The following NEU2 variants were observed in gnomAD, a reference collection of about 807,000 sequenced individuals.
The protein encoded by NEU2 is neuraminidase 2, also known as sialidase-2.
NEU2 carries 7 observed loss-of-function variants against 6.3 expected under a neutral mutation model. The observed-to-expected ratio is 1.12, with a 90% CI of 0.63 to 2.10. The LOEUF (loss-of-function observed/expected upper bound fraction) is 2.10, where lower values mean the gene tolerates loss of function less well. Among genes scored for constraint, NEU2 ranks in the 30% most tolerant of loss-of-function variants. NEU2 has a pLI of 0.00. For missense variants in NEU2, 509 were observed against 504.0 expected (o/e 1.01, Z -0.09); for synonymous variants, 208 against 223.3 (o/e 0.93, Z 0.61).
chr2:233,034,004 T>C lies in NEU2; in HGVS notation c.202-112T>C, dbSNP rs1023428443. On this transcript the variant is annotated intron_variant, in intron 1 of 1. Coordinates refer to ENST00000233840, the MANE Select transcript of NEU2 (RefSeq NM_005383.2). The surrounding 1 kb of genome is among the most constrained non-coding windows in gnomAD (Gnocchi z 4.8). ...GGGTGAAGAGTTCTTCTCGATGACT[T>C]TTGACTCTAACCCGGGAGACACACC... 4.3e-6 allele frequency: 4 copies of C among 925,226 alleles called. No homozygotes were observed. The highest frequency in any genetic ancestry group is 6.6e-6 in the Non-Finnish European group (4 of 608,424). The allele number at this position is 925,226 out of a possible 1,614,324, so 57.3% of individuals were successfully genotyped here. A position where few individuals can be genotyped will look rare whatever the true frequency, so the allele number is the denominator to read the frequency against.
In NEU2 at chr2:233,034,009, C is replaced by G; in HGVS notation, c.202-107C>G. The G allele has an allele frequency of 4.1e-6, 4 of 969,012 alleles. No individual in the cohort carries two copies. In the South Asian group the frequency reaches 4.7e-5, roughly 11 times the overall value. The allele number at this position is 969,012 out of a possible 1,614,324, so 60.0% of individuals were successfully genotyped here. ...AAGAGTTCTTCTCGATGACTTTTGA[C>G]TCTAACCCGGGAGACACACCCGTGC... On this transcript the variant is annotated intron_variant, in intron 1 of 1. Coordinates refer to ENST00000233840, the MANE Select transcript of NEU2 (RefSeq NM_005383.2). This position sits in a 1 kb window ranked among gnomAD's most constrained non-coding sequence, Gnocchi z 4.8.
At position 233,034,610 on chromosome 2, in the gene NEU2, G is replaced by A. The variant is rs763826910; in HGVS notation, c.696G>A (p.Val232=). The change falls in exon 2 of 2, where the codon GTG becomes GTA. Residue 232 remains valine, a synonymous_variant. Transcript: ENST00000233840. This position sits in a 1 kb window ranked among gnomAD's most constrained non-coding sequence, Gnocchi z 4.8. ...AEVETGEQRV[V]TLNARSHLRA... is the part of the protein sequence containing the mutation. The stretch of plus-strand genomic sequence containing the variant: ...TCGAGACTGGGGAGCAGAGGGTGGT[G>A]ACCCTCAACGCGAGAAGCCACCTCC... 4 of 1,611,918 alleles carry A rather than the reference G, an allele frequency of 2.5e-6. No individual in the cohort carries two copies. The highest frequency in any genetic ancestry group is 1.7e-4 in the Middle Eastern group (1 of 6,054).
chr2:233,034,367 C>T lies in NEU2; in HGVS notation c.453C>T (p.Tyr151=), dbSNP rs141029510. 4.6e-3 allele frequency: 7,485 copies of T among 1,614,028 alleles called. 24 individuals carry two copies. The highest frequency in any genetic ancestry group is 5.8e-3 in the Non-Finnish European group (6,788 of 1,179,980). ...CTGATGCGGCCATCGGCCCAGCCTA[C>T]CGGGAGTGGTCCACCTTTGCAGTGG... ...DLTDAAIGPA[Y]REWSTFAVGP... The change falls in exon 2 of 2, where the codon TAC becomes TAT. Residue 151 remains tyrosine, a synonymous_variant. Coordinates refer to ENST00000233840, the MANE Select transcript of NEU2 (RefSeq NM_005383.2). This position sits in a 1 kb window ranked among gnomAD's most constrained non-coding sequence, Gnocchi z 4.8.
chr2:233,035,033 C>T lies in NEU2; in HGVS notation c.1119C>T (p.Phe373=), dbSNP rs576985852. ...VFLMFTLKQA[F]PAEYLPQ Reference sequence around the variant, plus strand: ...TCATGTTCACCCTGAAGCAAGCCTTCCCAGCTGAGTACCTGCCTCAGTGAG... The same window carrying T: ...TCATGTTCACCCTGAAGCAAGCCTTTCCAGCTGAGTACCTGCCTCAGTGAG... The change falls in exon 2 of 2, where the codon TTC becomes TTT. Residue 373 remains phenylalanine, a synonymous_variant. Coordinates refer to ENST00000233840, the MANE Select transcript of NEU2 (RefSeq NM_005383.2). 3 of 1,606,292 alleles carry T rather than the reference C, an allele frequency of 1.9e-6. No individual in the cohort carries two copies. The highest frequency in any genetic ancestry group is 2.7e-5 in the African/African-American group (2 of 74,944).
At chr2:233,033,125 G>A (rs1690537658) in intron 1 of NEU2, among the ~76,000 whole-genome samples, 1 of 152,190 alleles carries the variant, frequency 6.6e-6, no homozygotes, top group African/African-American at 2.4e-5. Flanking sequence ...CATCCGTGAT[G>A]ACCTCACGGA....
At chr2:233,033,047 T>C (rs1332842447) in intron 1 of NEU2, among the ~76,000 whole-genome samples, 175 bp downstream of exon 1, 1 of 152,222 alleles carries the variant, frequency 6.6e-6, no homozygotes, top group Admixed American at 6.5e-5. Context: ...CCTGGACCTC[T>C]GGGTTCACTG....
In NEU2 at chr2:233,034,977, G is replaced by A. The variant is rs1574680871; in HGVS notation, c.1063G>A (p.Glu355Lys). The A allele has an allele frequency of 6.2e-7, 1 of 1,614,134 alleles. No homozygotes were observed. The highest frequency in any genetic ancestry group is 1.7e-4 in the Middle Eastern group (1 of 6,060). The change falls in exon 2 of 2, where the codon GAA (glutamate) becomes AAA (lysine). Residue 355 changes from glutamate to lysine, a missense_variant. By Grantham distance (56) the Glu-to-Lys change is moderately conservative. Transcript: ENST00000233840. This position sits in a 1 kb window ranked among gnomAD's most constrained non-coding sequence, Gnocchi z 4.8. ...DGSPLFGCLY[E>K]ANDYEEIVFL... is the part of the protein sequence containing the mutation. Reference sequence around the variant, plus strand: ...GTCCCCCTTGTTTGGGTGTCTGTACGAAGCCAATGATTACGAGGAGATTGT... The same window carrying A: ...GTCCCCCTTGTTTGGGTGTCTGTACAAAGCCAATGATTACGAGGAGATTGT...
rs1263327869 is a variant in NEU2 at position 233,034,654 on chromosome 2, A to G, written c.740A>G (p.Gln247Arg). The G allele has an allele frequency of 6.3e-7, 1 of 1,587,522 alleles. No individual in the cohort carries two copies. Among genetic ancestry groups the G allele is most frequent in the Non-Finnish European group, 8.6e-7 (1 of 1,164,072 alleles). Residue 247 changes from glutamine to arginine, a missense_variant, in exon 2 of 2, where the codon CAG becomes CGG. Physicochemically the swap from Gln to Arg is conservative, Grantham distance 43. Transcript: ENST00000233840. This position sits in a 1 kb window ranked among gnomAD's most constrained non-coding sequence, Gnocchi z 4.8. ...CACCTCCGAGCCAGGGTCCAGGCCC[A>G]GAGCACCAATGACGGGCTTGATTTC... ...RSHLRARVQA[Q>R]STNDGLDFQE...
Position 233,034,842 on chromosome 2 carries a change from T to TACCTCA in NEU2, c.932_937dup (p.Leu311_Asn312dup). 1 of 1,607,292 alleles carries TACCTCA rather than the reference T, an allele frequency of 6.2e-7. No homozygotes were observed. The highest frequency in any genetic ancestry group is 1.3e-5 in the African/African-American group (1 of 74,906). On this transcript the variant is annotated inframe_insertion, in exon 2 of 2. Transcript: ENST00000233840. This position sits in a 1 kb window ranked among gnomAD's most constrained non-coding sequence, Gnocchi z 4.8. The stretch of plus-strand genomic sequence containing the variant: ...CTGGCAGAGGGCCGACCTGGGTGCC[T>TACCTCA]ACCTCAACCCGCGACCTCCAGCCCC...
At chr2:233,033,973 A>G in intron 1 of NEU2, 143 bp from the exon 2 acceptor site, 1 of 751,772 alleles carries the variant, frequency 1.3e-6, no homozygotes, top group South Asian at 1.8e-5. Flanking sequence ...GGAGGATATG[A>G]GTGTTGGGTG....
At chr2:233,033,369 A>C (rs947843709) in intron 1 of NEU2, among the ~76,000 whole-genome samples, 1 of 152,192 alleles carries the variant, frequency 6.6e-6, no homozygotes, top group Non-Finnish European at 1.5e-5. Flanking sequence ...AAGCAGATGG[A>C]CCTGGGTTCA....
intron 1 of NEU2, among the ~76,000 whole-genome samples, chr2:233,033,500 G>C (rs1401677772): frequency 6.6e-6 from 1 of 152,162 alleles, no homozygotes; most frequent in Non-Finnish European, 1.5e-5. Context: ...TGAGGCATTA[G>C]ATGAGACCAT....
rs1422614780 is a variant in NEU2, at chr2:233,032,679, C to G, written c.8C>G (p.Ser3Cys). 6.2e-7 allele frequency: 1 copy of G among 1,614,144 alleles called. No homozygotes were observed. Among genetic ancestry groups the G allele is most frequent in the Non-Finnish European group, 8.5e-7 (1 of 1,180,060 alleles). ...TGTCCACCCCCCAGCCCCATGGCGT[C>G]CCTTCCTGTCCTGCAGAAGGAGAGC... MA[S>C]LPVLQKESVF... Residue 3 changes from serine (S) to cysteine (C), a missense_variant, in exon 1 of 2, where the codon TCC becomes TGC. Physicochemically the swap from Ser to Cys is moderately radical, Grantham distance 112. Transcript: ENST00000233840.
Position 233,034,557 on chromosome 2 carries a change from G to A in NEU2, c.643G>A (p.Asp215Asn). ...GGCGCGAGGGCACTTTGTGGCCCAG[G>A]ACACCCTGGAGTGCCAGGTGGCCGA... ...TWARGHFVAQ[D>N]TLECQVAEVE... Residue 215 changes from aspartate to asparagine, a missense_variant, in exon 2 of 2, where the codon GAC becomes AAC. By Grantham distance (23) the Asp-to-Asn change is conservative. Coordinates refer to ENST00000233840, the MANE Select transcript of NEU2 (RefSeq NM_005383.2). The surrounding 1 kb of genome is among the most constrained non-coding windows in gnomAD (Gnocchi z 4.8). 1 of 1,614,118 alleles carries A rather than the reference G, an allele frequency of 6.2e-7. No homozygotes were observed. The highest frequency in any genetic ancestry group is 8.5e-7 in the Non-Finnish European group (1 of 1,179,984).
At position 233,032,676 on chromosome 2, in the gene NEU2, C is replaced by G. The variant is rs371812904; in HGVS notation, c.5C>G (p.Ala2Gly). M[A>G]SLPVLQKESV... ...TCCTGTCCACCCCCCAGCCCCATGG[C>G]GTCCCTTCCTGTCCTGCAGAAGGAG... The change falls in exon 1 of 2, where the codon GCG becomes GGG. Residue 2 changes from alanine (A) to glycine (G), a missense_variant. Physicochemically the swap from Ala to Gly is moderately conservative, Grantham distance 60. Coordinates refer to ENST00000233840, the MANE Select transcript of NEU2 (RefSeq NM_005383.2). 1 of 1,614,124 alleles carries G rather than the reference C, an allele frequency of 6.2e-7. No homozygotes were observed. The highest frequency in any genetic ancestry group is 8.5e-7 in the Non-Finnish European group (1 of 1,180,050).
rs1184706887 is a variant in NEU2, at chr2:233,034,313, G to C, written c.399G>C (p.Gly133=). 4.3e-6 allele frequency: 7 copies of C among 1,614,026 alleles called. No individual in the cohort carries two copies. The highest frequency in any genetic ancestry group is 1.3e-5 in the African/African-American group (1 of 74,930). The change falls in exon 2 of 2, where the codon GGG becomes GGC. Residue 133 remains glycine (G), a synonymous_variant. Coordinates refer to ENST00000233840, the MANE Select transcript of NEU2 (RefSeq NM_005383.2). The surrounding 1 kb of genome is among the most constrained non-coding windows in gnomAD (Gnocchi z 4.8). ...RLCQVTSTDH[G]RTWSSPRDLT... is the part of the protein sequence containing the mutation. ...GCCAAGTCACCAGCACTGACCACGG[G>C]AGGACCTGGAGCTCCCCCAGAGACC...
Position 233,032,809 on chromosome 2 carries a change from T to C in NEU2, c.138T>C (p.Asp46=). 1 of 1,614,144 alleles carries C rather than the reference T, an allele frequency of 6.2e-7. No individual in the cohort carries two copies. The highest frequency in any genetic ancestry group is 8.5e-7 in the Non-Finnish European group (1 of 1,180,012). ...CGGAACAGCGGGCAAGCAAGAAGGATGAGCACGCAGAGCTGATTGTCCTGC... is the reference window on the plus strand; with the variant it reads ...CGGAACAGCGGGCAAGCAAGAAGGACGAGCACGCAGAGCTGATTGTCCTGC... ...AFAEQRASKK[D]EHAELIVLRR... is the part of the protein sequence containing the mutation. Residue 46 remains aspartate, a synonymous_variant, in exon 1 of 2, where the codon GAT becomes GAC. Coordinates refer to ENST00000233840, the MANE Select transcript of NEU2 (RefSeq NM_005383.2).
rs745552386 is a variant in NEU2, at chr2:233,034,273, A to G, written c.359A>G (p.Asn120Ser). The change falls in exon 2 of 2, where the codon AAT (asparagine) becomes AGT (serine). Residue 120 changes from asparagine to serine, a missense_variant. By Grantham distance (46) the Asn-to-Ser change is conservative. Transcript: ENST00000233840. The surrounding 1 kb of genome is among the most constrained non-coding windows in gnomAD (Gnocchi z 4.8). Reference protein sequence around the residue: ...TEQQQLQTRANVTRLCQVTST... With the variant: ...TEQQQLQTRASVTRLCQVTST... ...CAACAGCAGCTGCAGACCAGGGCCA[A>G]TGTGACGCGGCTGTGCCAAGTCACC... 1 of 1,614,132 alleles carries G rather than the reference A, an allele frequency of 6.2e-7. No homozygotes were observed. The highest frequency in any genetic ancestry group is 8.5e-7 in the Non-Finnish European group (1 of 1,180,022).
chr2:233,032,779 C>T lies in NEU2; in HGVS notation c.108C>T (p.Ala36=). Residue 36 remains alanine, a synonymous_variant, in exon 1 of 2, where the codon GCC becomes GCT. Transcript: ENST00000233840. The part of the protein sequence containing the change: ...LYLPGQQSLL[A]FAEQRASKKD... ...TGCCTGGGCAGCAGTCCCTGCTGGC[C>T]TTCGCGGAACAGCGGGCAAGCAAGA... 6.2e-7 allele frequency: 1 copy of T among 1,614,246 alleles called. No homozygotes were observed. The highest frequency in any genetic ancestry group is 8.5e-7 in the Non-Finnish European group (1 of 1,180,052).
Sources: allele counts gnomAD v4.1 joint callset (sites outside exome capture counted in the v4.1 genomes callset), GRCh38; gene constraint gnomAD v4.1.1; non-coding constraint Gnocchi (gnomAD v3.1); transcripts MANE v1.5; gene names NCBI Gene and HGNC (gene_info 2026-07-23, HGNC 2026-07-21).